Variants in DLGAP2 observed in about 807,000 individuals in gnomAD.
DLGAP2 encodes DLG associated protein 2.
DLGAP2 carries 26 observed loss-of-function variants against 100.3 expected under a neutral mutation model. The observed-to-expected ratio is 0.26, with a 90% CI of 0.19 to 0.36. The LOEUF is 0.36. Ranked by LOEUF, DLGAP2 falls within the 10% of genes least tolerant of loss-of-function variation. DLGAP2 has a pLI of 1.00. For missense variants in DLGAP2, 1,858 were observed against 1,453.2 expected (o/e 1.28, Z -4.53); for synonymous variants, 886 against 630.1 (o/e 1.41, Z -6.08).
rs1311093129 is a variant in DLGAP2, at chr8:1,415,544, T to C, written c.107-85822T>C. ...GTGCCCTATGTTTAGCCTCCACTTATAAGTGAGAACACGTGGTGTCTGGCT... is the reference window on the plus strand; with the variant it reads ...GTGCCCTATGTTTAGCCTCCACTTACAAGTGAGAACACGTGGTGTCTGGCT... On this transcript the variant is annotated intron_variant, in intron 3 of 14. Transcript: ENST00000637795. Among the ~76,000 whole-genome samples, 7 of 152,218 alleles carry C rather than the reference T, an allele frequency of 4.6e-5. No individual in the cohort carries two copies. The East Asian group carries it at 5.8e-4, about 13-fold the overall frequency.
intron 2 of DLGAP2, among the ~76,000 whole-genome samples, chr8:1,139,610 C>T (rs539342121): frequency 2.0e-4 from 30 of 152,244 alleles, no homozygotes; most frequent in Non-Finnish European, 2.8e-4. Context: ...ACATTCAGTC[C>T]GTGGCAAGTA....
intron 13 of DLGAP2, among the ~76,000 whole-genome samples, chr8:1,694,894 T>C (rs1799342997): frequency 6.6e-6 from 1 of 152,040 alleles, no homozygotes; most frequent in Non-Finnish European, 1.5e-5. Flanking sequence ...CATCTCTGAA[T>C]GTTCAGTGGA....
At chr8:1,036,043 C>G (rs1802109952) in intron 2 of DLGAP2, among the ~76,000 whole-genome samples, 1 of 123,254 alleles carries the variant, frequency 8.1e-6, no homozygotes, top group Admixed American at 8.3e-5. Context: ...GGTTCACACG[C>G]TCATCCCGAC....
intron 3 of DLGAP2, among the ~76,000 whole-genome samples, chr8:1,499,485 G>A (rs187533401): frequency 6.6e-6 from 1 of 152,194 alleles, no homozygotes; most frequent in Non-Finnish European, 1.5e-5. Context: ...GGAAACTGTA[G>A]TTAATTAGAG....
chr8:1,553,063 G>T (rs1233889481), intron 5 of DLGAP2, among the ~76,000 whole-genome samples: 2 of 152,102 alleles, frequency 1.3e-5, no homozygotes, highest in Non-Finnish European at 2.9e-5. Context: ...CCAGGGACGT[G>T]CAGGGAGGGA....
intron 3 of DLGAP2, among the ~76,000 whole-genome samples, chr8:1,334,602 G>T (rs1196943900): frequency 2.0e-5 from 3 of 152,130 alleles, no homozygotes; most frequent in South Asian, 4.1e-4. Context: ...GACCCCCCCA[G>T]TGGAGACATG....
intron 1 of DLGAP2, among the ~76,000 whole-genome samples, chr8:777,711 G>C (rs567538143): frequency 1.3e-5 from 2 of 152,200 alleles, no homozygotes; most frequent in African/African-American, 4.8e-5. Context: ...GGTTTCTGCC[G>C]AGAGATCCGC....
At chr8:1,628,904 C>T (rs1047581897) in intron 7 of DLGAP2, among the ~76,000 whole-genome samples, 4 of 152,376 alleles carry the variant, frequency 2.6e-5, no homozygotes, top group Middle Eastern at 3.4e-3. Flanking sequence ...ATGCAGTTAT[C>T]GGCGTGACAA....
At chr8:1,460,114 G>A (rs1259975977) in intron 3 of DLGAP2, among the ~76,000 whole-genome samples, 5 of 152,314 alleles carry the variant, frequency 3.3e-5, no homozygotes, top group East Asian at 3.9e-4. Flanking sequence ...GCATGTGGCC[G>A]GACTCGGTTC....
intron 2 of DLGAP2, among the ~76,000 whole-genome samples, chr8:1,116,662 G>A (rs1454250460): frequency 6.6e-6 from 1 of 152,122 alleles, no homozygotes; most frequent in Admixed American, 6.5e-5. Context: ...GCCACACGTG[G>A]TGGCATGCCT....
chr8:843,362 C>T (rs1284069657), intron 1 of DLGAP2, among the ~76,000 whole-genome samples: 1 of 152,210 alleles, frequency 6.6e-6, no homozygotes, highest in Non-Finnish European at 1.5e-5. Context: ...CCTGGAAGGG[C>T]GGTGTGGCTG....
chr8:1,244,961 A>G (rs956613849), intron 2 of DLGAP2, among the ~76,000 whole-genome samples: 1 of 152,230 alleles, frequency 6.6e-6, no homozygotes, highest in Non-Finnish European at 1.5e-5. Flanking sequence ...GAGGGCATGA[A>G]CAGGCAATTC....
chr8:1,199,128 A>T (rs1367548125), intron 2 of DLGAP2, among the ~76,000 whole-genome samples: 1 of 152,244 alleles, frequency 6.6e-6, no homozygotes, highest in Non-Finnish European at 1.5e-5. Context: ...ACACATACAC[A>T]CAACAACAAC....
chr8:848,380 TGCG>T, intron 1 of DLGAP2, among the ~76,000 whole-genome samples: 1 of 121,224 alleles, frequency 8.2e-6, no homozygotes, highest in Non-Finnish European at 1.9e-5. Context: ...TGTAGGGTCG[TGCG>T]GTGCGTGTTC....
intron 5 of DLGAP2, among the ~76,000 whole-genome samples, chr8:1,557,539 G>C (rs929283911): frequency 6.6e-6 from 1 of 152,134 alleles, no homozygotes; most frequent in African/African-American, 2.4e-5. Context: ...TCCGCACCGA[G>C]GCAAGGAGTG....
At chr8:1,455,975 C>T (rs780845659) in intron 3 of DLGAP2, among the ~76,000 whole-genome samples, 80 of 152,352 alleles carry the variant, frequency 5.3e-4, no homozygotes, top group African/African-American at 1.9e-3. Flanking sequence ...CATTACACAT[C>T]ATCTTGTCTT....
At chr8:1,167,764 C>T (rs551291033) in intron 2 of DLGAP2, among the ~76,000 whole-genome samples, 2 of 151,932 alleles carry the variant, frequency 1.3e-5, no homozygotes, top group East Asian at 1.9e-4. Flanking sequence ...ATTTGTTGAA[C>T]GTCTACAGTG....
chr8:914,109 A>G (rs1265177976), intron 2 of DLGAP2, among the ~76,000 whole-genome samples: 2 of 152,252 alleles, frequency 1.3e-5, no homozygotes, highest in African/African-American at 4.8e-5. Context: ...AGATACTAAA[A>G]TTATTTATAA....
intron 2 of DLGAP2, among the ~76,000 whole-genome samples, chr8:1,234,378 C>A (rs1046190807): frequency 6.6e-6 from 1 of 152,170 alleles, no homozygotes; most frequent in African/African-American, 2.4e-5. Flanking sequence ...CCTGGCCATT[C>A]CTTGGCTGTG....
Sources: allele counts gnomAD v4.1 joint callset (sites outside exome capture counted in the v4.1 genomes callset), GRCh38; gene constraint gnomAD v4.1.1; transcripts MANE v1.5; gene names NCBI Gene and HGNC (gene_info 2026-07-23, HGNC 2026-07-21).